LIN7A: variants seen among roughly 807,000 people sequenced by gnomAD.
The protein encoded by LIN7A is lin-7 cell polarity scaffold A, also known as protein lin-7 homolog A.
Under a neutral mutation model 29.8 loss-of-function variants are expected in LIN7A, and 25 were observed. The observed-to-expected ratio is 0.84, with a 90% CI of 0.61 to 1.17. The LOEUF (loss-of-function observed/expected upper bound fraction) is 1.17, where lower values mean the gene tolerates loss of function less well. LIN7A is among the 50% of genes most tolerant of loss of function. The pLI is 0.00. For missense variants in LIN7A, 239 were observed against 287.0 expected (o/e 0.83, Z 1.21); for synonymous variants, 118 against 107.5 (o/e 1.10, Z -0.60).
chr12:80,885,092 CTT>C (rs1157087893), intron 2 of LIN7A, among the ~76,000 whole-genome samples: 7 of 152,084 alleles, frequency 4.6e-5, no homozygotes, highest in Admixed American at 4.6e-4. Context: ...AATATGATCA[CTT>C]ATACATTTAT....
At chr12:80,855,692 T>C (rs1345300875) in intron 2 of LIN7A, among the ~76,000 whole-genome samples, 1 of 152,146 alleles carries the variant, frequency 6.6e-6, no homozygotes, top group African/African-American at 2.4e-5. Flanking sequence ...CTAAGTTTAA[T>C]TGCATTCAGT....
chr12:80,892,300 G>A (rs181298877), intron 1 of LIN7A, among the ~76,000 whole-genome samples: 198 of 152,246 alleles, frequency 1.3e-3, no homozygotes, highest in African/African-American at 4.3e-3. Flanking sequence ...ATGCATATTC[G>A]TTGAATGAAT....
chr12:80,826,577 C>T (rs78310278), intron 4 of LIN7A, among the ~76,000 whole-genome samples: 14,973 of 152,010 alleles, frequency 0.099, 799 homozygotes, highest in East Asian at 0.18. Flanking sequence ...GCCTAGAGTG[C>T]GGTGGCATGG....
chr12:80,826,532 C>CT (rs375384204), intron 4 of LIN7A, among the ~76,000 whole-genome samples: 5 of 151,114 alleles, frequency 3.3e-5, no homozygotes, highest in Non-Finnish European at 5.9e-5. Flanking sequence ...TACTTTACTC[C>CT]TTTTTTTTTA....
In LIN7A at chr12:80,813,232, T is replaced by C. The variant is rs371603469; in HGVS notation, c.484-1549A>G. ...TTCACCATGTTAGCCAGGATGGTCT[T>C]GATCTCCTGACCTTGTGATCCGCCC... On this transcript the variant is annotated intron_variant, in intron 4 of 5. Transcript: ENST00000552864. Among the ~76,000 whole-genome samples the C allele has an allele frequency of 2.1e-3, 317 of 152,238 alleles. 1 individual carries two copies. Among genetic ancestry groups the C allele is most frequent in the East Asian group, 6.4e-3 (33 of 5,166 alleles).
chr12:80,815,597 G>C (rs927430201), intron 4 of LIN7A, among the ~76,000 whole-genome samples: 20 of 152,156 alleles, frequency 1.3e-4, no homozygotes, highest in African/African-American at 4.6e-4. Context: ...TCTTTTATAA[G>C]AACCAGTGTA....
At chr12:80,913,715 C>T (rs1287840007) in intron 1 of LIN7A, among the ~76,000 whole-genome samples, 9 of 152,194 alleles carry the variant, frequency 5.9e-5, no homozygotes, top group Non-Finnish European at 4.4e-5. Flanking sequence ...TCACTCTGAA[C>T]ACTGACAATG....
At chr12:80,889,558 C>G (rs549458121) in intron 1 of LIN7A, among the ~76,000 whole-genome samples, 189 bp from the exon 2 acceptor site, 32 of 152,292 alleles carry the variant, frequency 2.1e-4, no homozygotes, top group African/African-American at 6.7e-4. Flanking sequence ...TTCCACACAT[C>G]TGTCACTTCA....
At chr12:80,856,214 A>C (rs1488564903) in intron 2 of LIN7A, among the ~76,000 whole-genome samples, 1 of 152,214 alleles carries the variant, frequency 6.6e-6, no homozygotes, top group Non-Finnish European at 1.5e-5. Flanking sequence ...GAAGGATAGA[A>C]TTTCCAGAGT....
rs55772850 is a variant in LIN7A at position 80,800,489 on chromosome 12, C to CAAAAAAAAAAAA, written c.*1-2775_*1-2764dup. ...GGGCAGCAAGAGTGAAACTCCGTCT[C>CAAAAAAAAAAAA]AAAAAAAAAAAAAAAAAAAAAAAAA... is the stretch of plus-strand genomic sequence containing the variant. On this transcript the variant is annotated intron_variant, in intron 5 of 5. Transcript: ENST00000552864. Among the ~76,000 whole-genome samples, 17 of 38,080 alleles carry CAAAAAAAAAAAA rather than the reference C, an allele frequency of 4.5e-4. 2 individuals are homozygous for CAAAAAAAAAAAA. The highest frequency in any genetic ancestry group is 1.5e-3 in the African/African-American group (17 of 11,162). 25.0% of individuals were successfully genotyped at this position (38,080 alleles called of 152,430 possible).
chr12:80,886,720 T>A (rs1331285397), intron 2 of LIN7A, among the ~76,000 whole-genome samples: 1 of 152,132 alleles, frequency 6.6e-6, no homozygotes, highest in Non-Finnish European at 1.5e-5. Flanking sequence ...AATGTCAAAC[T>A]GTCTATGGAT....
At chr12:80,833,403 C>T (rs181932336) in intron 4 of LIN7A, among the ~76,000 whole-genome samples, 11 of 152,334 alleles carry the variant, frequency 7.2e-5, no homozygotes, top group Admixed American at 5.2e-4. Context: ...TCCTTTCTCT[C>T]CAAATTGCCC....
Position 80,845,676 on chromosome 12 carries a change from C to CA in LIN7A, c.483+53dup, listed in dbSNP as rs541511733. ...CGTTGACTTCAGTAATAGCAGGGGG[C>CA]AAAAAAAAAGAATGTGCTTAAGGAG... On this transcript the variant is annotated intron_variant, in intron 4 of 5. Transcript: ENST00000552864. 826 of 1,393,480 alleles carry CA rather than the reference C, an allele frequency of 5.9e-4. 1 individual carries two copies. The highest frequency in any genetic ancestry group is 1.4e-3 in the South Asian group (105 of 77,466). The allele number at this position is 1,393,480 out of a possible 1,614,324, so 86.3% of individuals were successfully genotyped here. A position where few individuals can be genotyped will look rare whatever the true frequency, so the allele number is the denominator to read the frequency against.
chr12:80,836,678 A>G (rs1047033887), intron 4 of LIN7A, among the ~76,000 whole-genome samples: 1 of 151,658 alleles, frequency 6.6e-6, no homozygotes, highest in Non-Finnish European at 1.5e-5. Context: ...ATAAATATGT[A>G]TATATATATA....
rs575129205 is a variant in LIN7A, at chr12:80,909,232, A to C, written c.83-19863T>G. Among the ~76,000 whole-genome samples, 5 of 152,282 alleles carry C rather than the reference A, an allele frequency of 3.3e-5. No individual in the cohort carries two copies. The South Asian group carries it at 1.0e-3, about 32-fold the overall frequency. ...TATTGAAGAAAGCTAGCTTTTCCCC[A>C]GTGAGTTCCCCTGGTATAGTTGTTC... On this transcript the variant is annotated intron_variant, in intron 1 of 5. Transcript: ENST00000552864.
At chr12:80,923,409 T>C (rs1379683593) in intron 1 of LIN7A, among the ~76,000 whole-genome samples, 1 of 152,168 alleles carries the variant, frequency 6.6e-6, no homozygotes, top group African/African-American at 2.4e-5. Flanking sequence ...TCTGTGTCTC[T>C]GAAAAACCCT....
intron 2 of LIN7A, among the ~76,000 whole-genome samples, chr12:80,876,202 A>G (rs965525834): frequency 1.3e-5 from 2 of 151,994 alleles, no homozygotes; most frequent in Non-Finnish European, 2.9e-5. Context: ...ACTATGTGCC[A>G]CCCCTGTTCC....
chr12:80,817,427 A>T (rs1457579482), intron 4 of LIN7A, among the ~76,000 whole-genome samples: 1 of 152,120 alleles, frequency 6.6e-6, no homozygotes, highest in Non-Finnish European at 1.5e-5. Context: ...AATTACATAG[A>T]TATCATCTTG....
intron 4 of LIN7A, among the ~76,000 whole-genome samples, chr12:80,816,948 T>C (rs963443583): frequency 2.0e-5 from 3 of 152,160 alleles, no homozygotes; most frequent in African/African-American, 4.8e-5. Flanking sequence ...TTTGTATTTT[T>C]AGTAAAGACA....
Sources: gnomAD v4.1 joint callset for allele counts (sites outside exome capture counted in the v4.1 genomes callset) on GRCh38, gnomAD v4.1.1 for gene constraint, MANE v1.5 for transcripts, NCBI Gene and HGNC (gene_info 2026-07-23, HGNC 2026-07-21) for gene names.